The following PRKCH variants were observed in gnomAD, a reference collection of about 807,000 sequenced individuals.
PRKCH encodes the protein protein kinase C eta.
PRKCH carries 28 observed loss-of-function variants against 82.5 expected under a neutral mutation model. The ratio of observed to expected loss-of-function variants is 0.34; its 90% CI spans 0.25 to 0.47. The LOEUF (loss-of-function observed/expected upper bound fraction) is 0.47, where lower values mean the gene tolerates loss of function less well. Ranked by LOEUF, PRKCH falls within the 20% of genes least tolerant of loss-of-function variation. The probability of loss-of-function intolerance (pLI) is 1.00; values close to 1 mark genes in which losing one functional copy is unlikely to be tolerated. For synonymous variants in PRKCH, 322 were observed against 327.4 expected (o/e 0.98, Z 0.18); for missense variants, 705 against 881.8 (o/e 0.80, Z 2.54).
intron 1 of PRKCH, among the ~76,000 whole-genome samples, chr14:61,221,364 G>C (rs2044654702): frequency 6.6e-6 from 1 of 152,126 alleles, no homozygotes; most frequent in Non-Finnish European, 1.5e-5. Flanking sequence ...TGTTTGGATG[G>C]TGGATATATC....
intron 10 of PRKCH, among the ~76,000 whole-genome samples, chr14:61,522,417 TGGTC>T (rs948228597): frequency 6.6e-6 from 1 of 152,200 alleles, no homozygotes; most frequent in African/African-American, 2.4e-5. Context: ...CTGCCTCATC[TGGTC>T]CCTGCTCTCT....
At chr14:61,506,127 A>G (rs945195531) in intron 10 of PRKCH, among the ~76,000 whole-genome samples, 1 of 151,918 alleles carries the variant, frequency 6.6e-6, no homozygotes, top group African/African-American at 2.4e-5. Flanking sequence ...GGAGAAAAAG[A>G]GAGCAGCATT....
At chr14:61,416,053 C>T (rs72728034) in intron 2 of PRKCH, among the ~76,000 whole-genome samples, 15 of 94,186 alleles carry the variant, frequency 1.6e-4, no homozygotes, top group South Asian at 3.8e-4. Flanking sequence ...CTTTTCTTTT[C>T]TTTTTTTTTT....
intron 1 of PRKCH, among the ~76,000 whole-genome samples, chr14:61,286,809 G>A (rs2045320077): frequency 6.6e-6 from 1 of 152,114 alleles, no homozygotes; most frequent in African/African-American, 2.4e-5. Flanking sequence ...GAGCACAGTT[G>A]GGTGGGTTGA....
chr14:61,523,661 C>G (rs1019343837), intron 10 of PRKCH, among the ~76,000 whole-genome samples: 6 of 152,196 alleles, frequency 3.9e-5, no homozygotes, highest in African/African-American at 1.4e-4. Context: ...TTGTTATTCA[C>G]AAAAGCTTTT....
chr14:61,445,836 C>A, intron 4 of PRKCH, 110 bp downstream of exon 4: 1 of 1,180,568 alleles, frequency 8.5e-7, no homozygotes, highest in Non-Finnish European at 1.3e-6. Flanking sequence ...AAATAACTCT[C>A]TGTAGGTCAA....
intron 9 of PRKCH, among the ~76,000 whole-genome samples, chr14:61,461,578 T>G (rs1203510002): frequency 6.6e-6 from 1 of 152,216 alleles, no homozygotes; most frequent in East Asian, 1.9e-4. Flanking sequence ...CAACTGATAT[T>G]TAGTGAGCTT....
chr14:61,306,137 C>G (rs911303745), intron 1 of PRKCH: 1 of 152,218 alleles, frequency 6.6e-6, no homozygotes, highest in Non-Finnish European at 1.5e-5. Flanking sequence ...GGTCTATCCT[C>G]TTTAGAATTT....
chr14:61,209,290 A>G (rs1358633330), intron 1 of PRKCH, among the ~76,000 whole-genome samples: 1 of 143,328 alleles, frequency 7.0e-6, no homozygotes, highest in African/African-American at 2.6e-5. Flanking sequence ...TACAAAATGG[A>G]CTAAGACAGT....
intron 1 of PRKCH, among the ~76,000 whole-genome samples, chr14:61,240,679 A>T (rs1209215000): frequency 1.3e-5 from 2 of 151,856 alleles, no homozygotes; most frequent in African/African-American, 2.4e-5. Flanking sequence ...CTGCCTAAAA[A>T]TTATTTCTTA....
chr14:61,233,134 G>A (rs1211036717), intron 1 of PRKCH, among the ~76,000 whole-genome samples: 3 of 152,208 alleles, frequency 2.0e-5, no homozygotes, highest in Admixed American at 2.0e-4. Flanking sequence ...CTCCCAGAGT[G>A]AGGCCACTCA....
At position 61,550,501 on chromosome 14, in the gene PRKCH, G is replaced by C. The variant is rs998134579; in HGVS notation, c.*670G>C. 5 of 152,670 alleles carry C rather than the reference G, an allele frequency of 3.3e-5. No homozygotes were observed. Among genetic ancestry groups the C allele is most frequent in the East Asian group, 1.9e-4 (1 of 5,206 alleles). 9.5% of individuals were successfully genotyped at this position (152,670 alleles called of 1,614,324 possible). A position where few individuals can be genotyped will look rare whatever the true frequency, so the allele number is the denominator to read the frequency against. On this transcript the variant is annotated 3_prime_UTR_variant, in exon 14 of 14. Coordinates refer to ENST00000332981, the MANE Select transcript of PRKCH (RefSeq NM_006255.5). ...CAGTGAAAAGGTGCCACAATGCCCA[G>C]TATTGTAAACAACAGGTTTGCATTC...
At chr14:61,451,894 T>C (rs911369812) in intron 6 of PRKCH, among the ~76,000 whole-genome samples, 5 of 152,206 alleles carry the variant, frequency 3.3e-5, no homozygotes, top group African/African-American at 1.2e-4. Flanking sequence ...GGCACATTCT[T>C]CTATCTCTGT....
intron 12 of PRKCH, among the ~76,000 whole-genome samples, chr14:61,541,865 G>A (rs1201100610): frequency 6.6e-6 from 1 of 152,232 alleles, no homozygotes; most frequent in Admixed American, 6.5e-5. Context: ...GCTGCCTCCT[G>A]TGTGCCCACA....
intron 1 of PRKCH, chr14:61,279,082 C>G (rs1264577229): frequency 6.6e-6 from 1 of 151,984 alleles, no homozygotes; most frequent in East Asian, 1.9e-4. Context: ...TCGAAGATCT[C>G]TTCCAGCTAT....
chr14:61,521,841 G>C (rs997526592), intron 10 of PRKCH, among the ~76,000 whole-genome samples: 7 of 152,056 alleles, frequency 4.6e-5, no homozygotes, highest in African/African-American at 1.7e-4. Context: ...AGTATAATTT[G>C]TCACTAGTTT....
chr14:61,264,758 G>A (rs1459399556), intron 1 of PRKCH, among the ~76,000 whole-genome samples: 1 of 152,140 alleles, frequency 6.6e-6, no homozygotes, highest in Middle Eastern at 3.2e-3. Context: ...CCCTTCAGTG[G>A]GCTTCAGGGC....
chr14:61,247,419 A>G (rs369551537), intron 1 of PRKCH, among the ~76,000 whole-genome samples: 1 of 152,232 alleles, frequency 6.6e-6, no homozygotes, highest in South Asian at 2.1e-4. Context: ...TGATTAAATG[A>G]TGTTTGGTAG....
intron 1 of PRKCH, chr14:61,306,687 G>A (rs1433194741): frequency 1.3e-5 from 2 of 152,108 alleles, no homozygotes; most frequent in Non-Finnish European, 2.9e-5. Context: ...GTATGTTTTG[G>A]TATATTGTCT....
Sources: gnomAD v4.1 joint callset for allele counts (sites outside exome capture counted in the v4.1 genomes callset) on GRCh38, gnomAD v4.1.1 for gene constraint, MANE v1.5 for transcripts, NCBI Gene and HGNC (gene_info 2026-07-23, HGNC 2026-07-21) for gene names.